The following PDZD2 variants were observed in gnomAD, a reference collection of about 807,000 sequenced individuals.
PDZD2 encodes the protein PDZ domain containing 2.
A neutral mutation model predicts 220.7 loss-of-function variants in PDZD2; 90 were observed. The ratio of observed to expected loss-of-function variants is 0.41; its 90% CI spans 0.34 to 0.49. The LOEUF is 0.49. Among genes scored for constraint, PDZD2 ranks in the 20% least tolerant of loss-of-function variants. The probability of loss-of-function intolerance (pLI) is 0.28; values close to 1 mark genes in which losing one functional copy is unlikely to be tolerated. For synonymous variants in PDZD2, 1,375 were observed against 1,450.5 expected (o/e 0.95, Z 1.18); for missense variants, 3,174 against 3,608.5 (o/e 0.88, Z 3.08).
intron 2 of PDZD2, among the ~76,000 whole-genome samples, chr5:31,898,808 C>CTTTTTTTTTTTTTTTTTT (rs35589628): frequency 5.9e-3 from 723 of 123,124 alleles, no homozygotes; most frequent in Non-Finnish European, 8.8e-3. Context: ...AGCCTCTCTT[C>CTTTTTTTTTTTTTTTTTT]TTTTTTTTTT....
chr5:31,868,203 T>G (rs1202569762), intron 2 of PDZD2, among the ~76,000 whole-genome samples: 1 of 152,164 alleles, frequency 6.6e-6, no homozygotes, highest in African/African-American at 2.4e-5. Flanking sequence ...CCCAGCACTT[T>G]GGGAGGCTGA....
chr5:31,835,783 G>T (rs958951786), intron 2 of PDZD2, among the ~76,000 whole-genome samples: 3 of 152,278 alleles, frequency 2.0e-5, no homozygotes, highest in Admixed American at 6.5e-5. Flanking sequence ...GATCTTCATT[G>T]TCTTGGGTAG....
chr5:31,890,024 C>G (rs1339003674), intron 2 of PDZD2, among the ~76,000 whole-genome samples: 2 of 151,012 alleles, frequency 1.3e-5, no homozygotes, highest in Admixed American at 6.6e-5. Flanking sequence ...CACTGTCCCC[C>G]CTCCAAAAGC....
At chr5:31,761,876 G>C (rs1751679930) in intron 1 of PDZD2, among the ~76,000 whole-genome samples, 1 of 137,430 alleles carries the variant, frequency 7.3e-6, no homozygotes, top group East Asian at 2.2e-4. Context: ...AAAAAAAAAA[G>C]AGGGTTAATT....
chr5:31,730,396 T>C (rs1749453610), intron 1 of PDZD2, among the ~76,000 whole-genome samples: 1 of 152,190 alleles, frequency 6.6e-6, no homozygotes. Context: ...CCTAACTGTA[T>C]TGTCTATGAG....
chr5:31,734,538 C>T (rs1319470035), intron 1 of PDZD2, among the ~76,000 whole-genome samples: 9 of 152,088 alleles, frequency 5.9e-5, no homozygotes, highest in African/African-American at 1.2e-4. Flanking sequence ...AGGCTGGTCT[C>T]GAACTCGTGA....
In PDZD2 at chr5:31,799,337, C is replaced by T. The variant is rs200755574; in HGVS notation, c.89C>T (p.Pro30Leu). 1.4e-5 allele frequency: 23 copies of T among 1,614,020 alleles called. No homozygotes were observed. Among genetic ancestry groups the T allele is most frequent in the East Asian group, 4.5e-5 (2 of 44,888 alleles). Reference sequence around the variant, plus strand: ...AGCCTGCAGGAAGGTGGGGATGGGCCGGAGCAGCGGCTCTGCCAGGCGGCC... The same window carrying T: ...AGCCTGCAGGAAGGTGGGGATGGGCTGGAGCAGCGGCTCTGCCAGGCGGCC... ...QNSLQEGGDG[P>L]EQRLCQAAIQ... Residue 30 changes from proline to leucine, a missense_variant, in exon 2 of 25, where the codon CCG becomes CTG. Coordinates refer to ENST00000438447, the MANE Select transcript of PDZD2 (RefSeq NM_178140.4).
At chr5:31,975,916 G>A (rs186666375) in intron 2 of PDZD2, among the ~76,000 whole-genome samples, 124 of 148,246 alleles carry the variant, frequency 8.4e-4, no homozygotes, top group Non-Finnish European at 1.6e-3. Flanking sequence ...CGATCTTCCC[G>A]CCTCAGGCTC....
chr5:31,750,593 G>A (rs548581714), intron 1 of PDZD2, among the ~76,000 whole-genome samples: 206 of 152,274 alleles, frequency 1.4e-3, no homozygotes, highest in African/African-American at 4.8e-3. Flanking sequence ...GAGGGGCGCC[G>A]CTCCAGGGAG....
intron 6 of PDZD2, among the ~76,000 whole-genome samples, chr5:32,018,345 G>A (rs1561361180): frequency 6.6e-6 from 1 of 152,218 alleles, no homozygotes. Context: ...CGATGCCCAG[G>A]GACCTCTGTG....
intron 2 of PDZD2, among the ~76,000 whole-genome samples, chr5:31,810,108 C>T (rs938262304): frequency 6.6e-6 from 1 of 152,110 alleles, no homozygotes; most frequent in Non-Finnish European, 1.5e-5. Context: ...CAACTTCATA[C>T]CCGTCTATCT....
intron 2 of PDZD2, among the ~76,000 whole-genome samples, chr5:31,905,306 C>T (rs890624737): frequency 3.3e-5 from 5 of 152,114 alleles, no homozygotes; most frequent in Admixed American, 3.3e-4. Context: ...TGATCAGTGT[C>T]CCTTTCTTCT....
chr5:31,928,967 A>G lies in PDZD2; in HGVS notation c.477-54188A>G, dbSNP rs886959882. Among the ~76,000 whole-genome samples, 20 of 152,078 alleles carry G rather than the reference A, an allele frequency of 1.3e-4. 1 individual carries two copies. Among genetic ancestry groups the G allele is most frequent in the Non-Finnish European group, 2.9e-5 (2 of 67,950 alleles). On this transcript the variant is annotated intron_variant, in intron 2 of 24. Transcript: ENST00000438447. ...CCTATTTTTCCATTTACTTACTAGAACTTAGGAGTATGCTGGGCTCTGAAA... is the reference window on the plus strand; with the variant it reads ...CCTATTTTTCCATTTACTTACTAGAGCTTAGGAGTATGCTGGGCTCTGAAA...
At chr5:31,752,663 C>T (rs1213278904) in intron 1 of PDZD2, among the ~76,000 whole-genome samples, 1 of 152,098 alleles carries the variant, frequency 6.6e-6, no homozygotes, top group African/African-American at 2.4e-5. Context: ...GATGCTGATA[C>T]CTCAGCCTTC....
intron 2 of PDZD2, among the ~76,000 whole-genome samples, chr5:31,896,277 A>G (rs1741543858): frequency 6.6e-6 from 1 of 151,102 alleles, no homozygotes; most frequent in South Asian, 2.1e-4. Context: ...GAGTTAGCTC[A>G]TCCTAGGTGA....
intron 2 of PDZD2, among the ~76,000 whole-genome samples, chr5:31,917,184 G>A (rs964973454): frequency 2.0e-5 from 3 of 152,192 alleles, no homozygotes; most frequent in African/African-American, 7.2e-5. Flanking sequence ...GGATTGGGAC[G>A]ATTATTGCAT....
intron 2 of PDZD2, among the ~76,000 whole-genome samples, chr5:31,923,161 G>A (rs995990172): frequency 1.3e-4 from 20 of 152,166 alleles, no homozygotes; most frequent in African/African-American, 3.4e-4. Flanking sequence ...CAGGCTTGGT[G>A]GTGGGCACCT....
At chr5:31,914,050 C>A (rs1447606915) in intron 2 of PDZD2, among the ~76,000 whole-genome samples, 1 of 152,156 alleles carries the variant, frequency 6.6e-6, no homozygotes, top group Non-Finnish European at 1.5e-5. Flanking sequence ...GGCTACCAAC[C>A]CAACTACAGT....
chr5:31,862,101 GT>G (rs11417935), intron 2 of PDZD2, among the ~76,000 whole-genome samples: 2,988 of 78,382 alleles, frequency 0.038, 9 homozygotes, highest in Non-Finnish European at 0.05. Flanking sequence ...TTTTTTTTGG[GT>G]TTTTTTTTTT....
Sources: allele counts gnomAD v4.1 joint callset (sites outside exome capture counted in the v4.1 genomes callset), GRCh38; gene constraint gnomAD v4.1.1; transcripts MANE v1.5; gene names NCBI Gene and HGNC (gene_info 2026-07-23, HGNC 2026-07-21).